The following GPHN variants were observed in gnomAD, a reference collection of about 807,000 sequenced individuals.
GPHN encodes gephyrin.
In GPHN, 17 loss-of-function variants were observed where a neutral mutation model predicts 95.5. That is an observed-to-expected ratio of 0.18 (90% CI 0.12 to 0.27). The LOEUF (loss-of-function observed/expected upper bound fraction) is 0.27, where lower values mean the gene tolerates loss of function less well. GPHN is among the 10% of genes least tolerant of loss of function. The pLI is 1.00. For missense variants in GPHN, 660 were observed against 978.1 expected (o/e 0.67, Z 4.34); for synonymous variants, 320 against 322.5 (o/e 0.99, Z 0.08).
intron 12 of GPHN, 86 bp downstream of exon 12, chr14:67,089,161 A>ATTTTTTTTTTG (rs2077049176): frequency 2.2e-6 from 1 of 450,660 alleles, no homozygotes; most frequent in Non-Finnish European, 4.1e-6. Flanking sequence ...TTTTTTTTCA[A>ATTTTTTTTTTG]ATTTTTGGCT....
chr14:67,687,964 G>A, the GPHN span, among the ~76,000 whole-genome samples: 1 of 151,696 alleles, frequency 6.6e-6, no homozygotes, highest in South Asian at 2.1e-4. Context: ...TAGAGACAGG[G>A]CTTTCACCAA....
At chr14:66,949,793 G>T (rs1250610897) in intron 8 of GPHN, among the ~76,000 whole-genome samples, 2 of 152,048 alleles carry the variant, frequency 1.3e-5, no homozygotes, top group African/African-American at 4.8e-5. Flanking sequence ...GAGAAAATGT[G>T]TGCTCATTTT....
the GPHN span, among the ~76,000 whole-genome samples, chr14:67,608,381 C>A: frequency 0.036 from 5,471 of 152,158 alleles, 257 homozygotes; most frequent in African/African-American, 0.11. Flanking sequence ...TCTAGAGATG[C>A]TTTAAGGTAT....
At chr14:66,838,369 A>G (rs2061943256) in intron 4 of GPHN, among the ~76,000 whole-genome samples, 2 of 152,174 alleles carry the variant, frequency 1.3e-5, no homozygotes, top group African/African-American at 4.8e-5. Context: ...TATAAGAATT[A>G]TTCTCTGAAA....
chr14:67,188,758 C>A, the GPHN span, among the ~76,000 whole-genome samples: 2 of 151,740 alleles, frequency 1.3e-5, no homozygotes, highest in Admixed American at 1.3e-4. Context: ...GCTATACAGC[C>A]CTCGGCTCAG....
the GPHN span, among the ~76,000 whole-genome samples, chr14:67,548,523 C>A: frequency 6.6e-6 from 1 of 152,086 alleles, no homozygotes; most frequent in Non-Finnish European, 1.5e-5. Context: ...CATGGAGAAA[C>A]CCCGTCTCTA....
intron 9 of GPHN, among the ~76,000 whole-genome samples, chr14:66,975,527 T>TA (rs1371835636): frequency 6.6e-6 from 1 of 152,106 alleles, no homozygotes; most frequent in Non-Finnish European, 1.5e-5. Flanking sequence ...CTTGAGTGTG[T>TA]AAAAATATTA....
the GPHN span, among the ~76,000 whole-genome samples, chr14:67,339,514 C>T: frequency 6.6e-6 from 1 of 152,108 alleles, no homozygotes; most frequent in Non-Finnish European, 1.5e-5. Context: ...CCCTCACCTA[C>T]CTCCCATTTC....
chr14:67,433,843 G>A, the GPHN span, among the ~76,000 whole-genome samples: 7 of 152,152 alleles, frequency 4.6e-5, no homozygotes, highest in South Asian at 2.1e-4. Context: ...AACAAATATC[G>A]TCTAAGTGGG....
chr14:66,638,339 C>T (rs547222958), intron 1 of GPHN, among the ~76,000 whole-genome samples: 340 of 152,144 alleles, frequency 2.2e-3, no homozygotes, highest in African/African-American at 7.7e-3. Context: ...GAGGCTGAGG[C>T]AGAAGAATTG....
At chr14:67,720,037 A>T in the GPHN span, among the ~76,000 whole-genome samples, 1 of 151,862 alleles carries the variant, frequency 6.6e-6, no homozygotes. Context: ...TTAACAATGG[A>T]CTCTCCCACG....
intron 8 of GPHN, among the ~76,000 whole-genome samples, chr14:66,930,301 TG>T (rs1260988920): frequency 6.6e-6 from 1 of 152,140 alleles, no homozygotes; most frequent in Non-Finnish European, 1.5e-5. Context: ...TTATATTTTT[TG>T]TGGAACTATT....
the GPHN span, among the ~76,000 whole-genome samples, chr14:67,218,837 A>G: frequency 6.6e-6 from 1 of 151,900 alleles, no homozygotes; most frequent in Non-Finnish European, 1.5e-5. Context: ...TGGGTTTTCC[A>G]TGGATAAGAC....
chr14:66,552,168 T>C (rs1170736685), intron 1 of GPHN, among the ~76,000 whole-genome samples: 1 of 152,188 alleles, frequency 6.6e-6, no homozygotes, highest in Non-Finnish European at 1.5e-5. Flanking sequence ...TCTGTTTACT[T>C]TCCTGGTTTT....
the GPHN span, among the ~76,000 whole-genome samples, chr14:67,329,950 G>C: frequency 0.15 from 22,690 of 149,590 alleles, 3,193 homozygotes; most frequent in East Asian, 0.42. Context: ...TTATGTAATT[G>C]TACTCTGAAT....
chr14:66,996,164 A>T lies in GPHN; in HGVS notation c.964-27469A>T, dbSNP rs554460971. On this transcript the variant is annotated intron_variant, in intron 9 of 22. Transcript: ENST00000478722. Reference sequence around the variant, plus strand: ...TCTTTAACAGTGTTTTCTTTTCCCCACTGCAAAACCAGGCTCGGCTTCCCT... The same window carrying T: ...TCTTTAACAGTGTTTTCTTTTCCCCTCTGCAAAACCAGGCTCGGCTTCCCT... 22 of 1,527,988 alleles carry T rather than the reference A, an allele frequency of 1.4e-5. No homozygotes were observed. The African/African-American group carries it at 2.7e-4, about 19-fold the overall frequency. The allele number at this position is 1,527,988 out of a possible 1,614,324, so 94.7% of individuals were successfully genotyped here.
At chr14:67,391,711 G>A in the GPHN span, among the ~76,000 whole-genome samples, 1 of 152,200 alleles carries the variant, frequency 6.6e-6, no homozygotes, top group Admixed American at 6.5e-5. Context: ...AGGTGATTTT[G>A]TTCACAGAAT....
the GPHN span, among the ~76,000 whole-genome samples, chr14:67,556,405 A>G: frequency 1.3e-5 from 2 of 152,026 alleles, no homozygotes; most frequent in Non-Finnish European, 2.9e-5. Context: ...CAAAGTGCTG[A>G]GATTACAGGC....
At chr14:67,381,761 T>A in the GPHN span, 2 of 1,158,452 alleles carry the variant, frequency 1.7e-6, no homozygotes, top group Non-Finnish European at 2.5e-6. Flanking sequence ...GATCTTTGTT[T>A]CTTTTTTTTT....
Sources: gnomAD v4.1 joint callset for allele counts (sites outside exome capture counted in the v4.1 genomes callset) on GRCh38, gnomAD v4.1.1 for gene constraint, MANE v1.5 for transcripts, NCBI Gene and HGNC (gene_info 2026-07-23, HGNC 2026-07-21) for gene names.